Variants in TEAD4 observed in about 807,000 individuals in gnomAD.
TEAD4 encodes transcriptional enhancer factor TEF-3.
A neutral mutation model predicts 52.4 loss-of-function variants in TEAD4; 36 were observed. The observed-to-expected ratio is 0.69, with a 90% CI of 0.53 to 0.91. The LOEUF is 0.91. TEAD4 is among the 40% of genes least tolerant of loss of function. TEAD4 has a pLI of 0.00. For missense variants in TEAD4, 508 were observed against 583.9 expected (o/e 0.87, Z 1.34); for synonymous variants, 220 against 231.0 (o/e 0.95, Z 0.43).
intron 3 of TEAD4, among the ~76,000 whole-genome samples, chr12:2,998,811 A>G (rs1025531500): frequency 6.6e-6 from 1 of 152,084 alleles, no homozygotes; most frequent in African/African-American, 2.4e-5. Flanking sequence ...TGTCAGCTGA[A>G]TGGCCTTGCT....
intron 2 of TEAD4, among the ~76,000 whole-genome samples, chr12:2,985,042 C>T (rs1371553052): frequency 6.6e-6 from 1 of 152,206 alleles, no homozygotes; most frequent in Non-Finnish European, 1.5e-5. Flanking sequence ...ATTAACTTGG[C>T]TTTCTGTAAC....
At chr12:2,981,687 T>C (rs1437074004) in intron 2 of TEAD4, among the ~76,000 whole-genome samples, 2 of 152,058 alleles carry the variant, frequency 1.3e-5, no homozygotes, top group Non-Finnish European at 2.9e-5. Context: ...TGATGGACTG[T>C]TGGCAGGAAT....
intron 3 of TEAD4, among the ~76,000 whole-genome samples, chr12:3,000,879 C>T (rs2098251217): frequency 2.0e-5 from 3 of 152,184 alleles, no homozygotes; most frequent in African/African-American, 7.2e-5. Context: ...CTAGATAGAG[C>T]ACGTCGAGGG....
At chr12:2,989,910 G>A (rs1280519252) in intron 2 of TEAD4, among the ~76,000 whole-genome samples, 1 of 152,190 alleles carries the variant, frequency 6.6e-6, no homozygotes, top group African/African-American at 2.4e-5. Context: ...AATTATTGGA[G>A]TCATGTCTTC....
intron 3 of TEAD4, among the ~76,000 whole-genome samples, chr12:3,005,267 A>G (rs997113573): frequency 1.3e-5 from 2 of 151,212 alleles, no homozygotes; most frequent in African/African-American, 4.9e-5. Context: ...TTAGATGGGG[A>G]AATGTTTTTG....
chr12:3,004,032 C>G (rs2098253844), intron 3 of TEAD4, among the ~76,000 whole-genome samples: 1 of 152,264 alleles, frequency 6.6e-6, no homozygotes. Flanking sequence ...CTCCCTTCCC[C>G]TCTTGCCCCT....
At chr12:2,986,471 C>T (rs1481616861) in intron 2 of TEAD4, among the ~76,000 whole-genome samples, 2 of 151,456 alleles carry the variant, frequency 1.3e-5, no homozygotes, top group Admixed American at 6.6e-5. Context: ...AACTCCGTCT[C>T]CACTAAAAAT....
intron 2 of TEAD4, among the ~76,000 whole-genome samples, chr12:2,966,568 G>A (rs546002885): frequency 1.1e-4 from 17 of 151,362 alleles, no homozygotes; most frequent in Admixed American, 3.3e-4. Flanking sequence ...ACGCCACCAT[G>A]CCCAGCTAAT....
Position 3,019,101 on chromosome 12 carries a change from T to A in TEAD4, c.528-14T>A. On this transcript the variant is annotated splice_polypyrimidine_tract_variant and intron_variant, in intron 7 of 12. Coordinates refer to ENST00000359864, the MANE Select transcript of TEAD4 (RefSeq NM_003213.4). ...TGCCCGAGGCTGACACCTCCCCTCC[T>A]CTCTCTCCCGCAGTGTGAAGCCTTT... is the stretch of plus-strand genomic sequence containing the variant. The A allele has an allele frequency of 6.2e-7, 1 of 1,613,820 alleles. No individual in the cohort carries two copies. Among genetic ancestry groups the A allele is most frequent in the Non-Finnish European group, 8.5e-7 (1 of 1,179,882 alleles).
intron 3 of TEAD4, among the ~76,000 whole-genome samples, chr12:3,009,150 G>C (rs958652061): frequency 6.6e-6 from 1 of 152,254 alleles, no homozygotes; most frequent in African/African-American, 2.4e-5. Context: ...CGGCTGGGCT[G>C]GGTGCAGTGG....
chr12:3,019,264 T>C, intron 8 of TEAD4, 94 bp downstream of exon 8: 1 of 1,388,814 alleles, frequency 7.2e-7, no homozygotes, highest in Non-Finnish European at 1.0e-6. Context: ...TGCGTGTCCC[T>C]GTTAGATGCT....
intron 2 of TEAD4, among the ~76,000 whole-genome samples, chr12:2,980,633 T>C (rs2098233411): frequency 6.6e-6 from 1 of 152,014 alleles, no homozygotes; most frequent in South Asian, 2.1e-4. Flanking sequence ...CTCAGGAGGC[T>C]GAGGCAGGAG....
chr12:2,983,975 C>T (rs2098236066), intron 2 of TEAD4, among the ~76,000 whole-genome samples: 1 of 152,092 alleles, frequency 6.6e-6, no homozygotes, highest in Non-Finnish European at 1.5e-5. Flanking sequence ...AGTCATCTTC[C>T]CAGAGGGAGT....
chr12:2,985,380 G>A (rs896548077), intron 2 of TEAD4, among the ~76,000 whole-genome samples: 1 of 150,492 alleles, frequency 6.6e-6, no homozygotes, highest in Non-Finnish European at 1.5e-5. Flanking sequence ...GCAAGACTCT[G>A]TCTCAAAAAA....
chr12:2,961,461 T>G (rs1475490115), intron 2 of TEAD4, among the ~76,000 whole-genome samples: 1 of 152,006 alleles, frequency 6.6e-6, no homozygotes, highest in Non-Finnish European at 1.5e-5. Context: ...TGGATGTTCT[T>G]GTGGGAAACA....
At chr12:2,988,882 A>G (rs1468194185) in intron 2 of TEAD4, among the ~76,000 whole-genome samples, 1 of 152,150 alleles carries the variant, frequency 6.6e-6, no homozygotes, top group Non-Finnish European at 1.5e-5. Context: ...AGGGTGGCGT[A>G]CCCAGGAGAG....
chr12:2,973,978 G>A lies in TEAD4; in HGVS notation c.-30+13938G>A, dbSNP rs555449977. 1.2e-4 allele frequency among the ~76,000 whole-genome samples: 18 copies of A among 152,264 alleles called. No individual in the cohort carries two copies. The Middle Eastern group carries it at 0.01, about 86-fold the overall frequency. On this transcript the variant is annotated intron_variant, in intron 2 of 12. Transcript: ENST00000359864. ...TCTGGGATGGTAACCTCAGCCTAGGGTCTGAGTGAAGGCTTCCAGCTATTG... is the reference window on the plus strand; with the variant it reads ...TCTGGGATGGTAACCTCAGCCTAGGATCTGAGTGAAGGCTTCCAGCTATTG...
rs2098245877 is a variant in TEAD4 at position 2,994,829 on chromosome 12, G to A, written c.63G>A (p.Gly21=). 6.2e-7 allele frequency: 1 copy of A among 1,613,864 alleles called. No individual in the cohort carries two copies. Among genetic ancestry groups the A allele is most frequent in the African/African-American group, 1.3e-5 (1 of 74,930 alleles). The change falls in exon 3 of 13, where the codon GGG becomes GGA. Residue 21 remains glycine, a synonymous_variant. Transcript: ENST00000359864. This position sits in a 1 kb window ranked among gnomAD's most constrained non-coding sequence, Gnocchi z 4.7. Reference sequence around the variant, plus strand: ...GGAGCTCTCCCACCTCCCCTGAGGGGAGCACCGCCTCTGGGGGCAGTCAGG... The same window carrying A: ...GGAGCTCTCCCACCTCCCCTGAGGGAAGCACCGCCTCTGGGGGCAGTCAGG...
chr12:3,004,227 C>T (rs1056088460), intron 3 of TEAD4, among the ~76,000 whole-genome samples: 1 of 152,222 alleles, frequency 6.6e-6, no homozygotes, highest in Non-Finnish European at 1.5e-5. Flanking sequence ...GGAGCAGCAT[C>T]GTCCCTTGCG....
Sources: allele counts gnomAD v4.1 joint callset (sites outside exome capture counted in the v4.1 genomes callset), GRCh38; gene constraint gnomAD v4.1.1; non-coding constraint Gnocchi (gnomAD v3.1); transcripts MANE v1.5; gene names NCBI Gene and HGNC (gene_info 2026-07-23, HGNC 2026-07-21).